Variants in NUP58 observed in about 807,000 individuals in gnomAD.
The protein encoded by NUP58 is nucleoporin 58.
NUP58 carries 17 observed loss-of-function variants against 70.1 expected under a neutral mutation model. The observed-to-expected ratio is 0.24, with a 90% CI of 0.17 to 0.36. The LOEUF is 0.36. NUP58 is among the 10% of genes least tolerant of loss of function. The pLI, the probability that NUP58 is intolerant of heterozygous loss-of-function variation, is 1.00. For synonymous variants in NUP58, 275 were observed against 257.6 expected, an observed-to-expected ratio of 1.07 and a Z score of -0.65; for missense variants, 644 against 701.5, an observed-to-expected ratio of 0.92 and a Z score of 0.93.
intron 3 of NUP58, among the ~76,000 whole-genome samples, chr13:25,311,592 C>T (rs2030669135): frequency 1.3e-5 from 2 of 151,430 alleles, no homozygotes; most frequent in South Asian, 4.2e-4. Flanking sequence ...CCAGGCTGGT[C>T]TCGAACTCCT....
chr13:25,307,211 A>ATTTTTTTTTTTTTTTT (rs72132780), intron 1 of NUP58, among the ~76,000 whole-genome samples: 3 of 98,592 alleles, frequency 3.0e-5, no homozygotes, highest in Non-Finnish European at 5.7e-5. Flanking sequence ...CTGGTATTGT[A>ATTTTTTTTTTTTTTTT]TTTTTTTTTT....
At chr13:25,331,701 C>T (rs2031612202) in intron 13 of NUP58, 143 bp downstream of exon 13, 10 of 1,447,334 alleles carry the variant, frequency 6.9e-6, no homozygotes, top group South Asian at 2.9e-5. Context: ...GTGATGGACA[C>T]GATTATAAAC....
In NUP58 at chr13:25,337,002, A is replaced by G. The variant is rs150965581; in HGVS notation, c.1502A>G (p.Gln501Arg). The change falls in exon 14 of 16, where the codon CAA becomes CGA. Residue 501 changes from glutamine (Q) to arginine (R), a missense_variant. Transcript: ENST00000381736. ...PFGSGIGTGL[Q>R]SSGLGSSNLG... ...GGCTCAGGTATTGGCACTGGCTTGC[A>G]ATCAAGTGGCTTAGGTTCTTCAAAC... 6 of 1,609,126 alleles carry G rather than the reference A, an allele frequency of 3.7e-6. No homozygotes were observed. The highest frequency in any genetic ancestry group is 5.1e-6 in the Non-Finnish European group (6 of 1,178,416).
intron 13 of NUP58, chr13:25,335,790 ATTTC>A (rs2031759422): frequency 2.0e-6 from 2 of 984,394 alleles, no homozygotes; most frequent in African/African-American, 3.5e-5. Flanking sequence ...GAAGGCTTTG[ATTTC>A]TTTAAAAATT....
chr13:25,329,975 T>G (rs573200800), intron 12 of NUP58, among the ~76,000 whole-genome samples: 1 of 152,216 alleles, frequency 6.6e-6, no homozygotes, highest in African/African-American at 2.4e-5. Flanking sequence ...ACTACAGGCA[T>G]GCACCACCAC....
intron 9 of NUP58, among the ~76,000 whole-genome samples, chr13:25,321,438 G>A (rs568606999): frequency 1.3e-5 from 2 of 152,302 alleles, no homozygotes; most frequent in South Asian, 4.1e-4. Context: ...TCCAACTCCA[G>A]AGTTTATGCT....
intron 1 of NUP58, among the ~76,000 whole-genome samples, chr13:25,305,011 C>T (rs2030249907): frequency 6.6e-6 from 1 of 151,822 alleles, no homozygotes; most frequent in African/African-American, 2.4e-5. Flanking sequence ...ATACTATATT[C>T]TTTTGCTTGT....
intron 5 of NUP58, 81 bp from the exon 6 acceptor site, chr13:25,315,276 A>G (rs2030872736): frequency 1.1e-6 from 1 of 945,188 alleles, no homozygotes; most frequent in Non-Finnish European, 1.6e-6. Context: ...TCCAACTTTA[A>G]AAGCATTAGA....
chr13:25,310,975 T>C (rs1007655897), intron 3 of NUP58, among the ~76,000 whole-genome samples: 3 of 152,182 alleles, frequency 2.0e-5, no homozygotes, highest in South Asian at 4.1e-4. Flanking sequence ...ACAGTCAGTC[T>C]GTTGTGAGGT....
At chr13:25,309,055 A>G (rs1035109891) in intron 2 of NUP58, among the ~76,000 whole-genome samples, 192 bp from the exon 3 acceptor site, 1 of 152,226 alleles carries the variant, frequency 6.6e-6, no homozygotes, top group Non-Finnish European at 1.5e-5. Flanking sequence ...CAAATTATGT[A>G]TGGCTTGTAA....
In NUP58 at chr13:25,329,705, G is replaced by A. The variant is rs192254395; in HGVS notation, c.1234-1652G>A. The stretch of plus-strand genomic sequence containing the variant: ...TTTGTTTTTCATTAGGTAATCTGTT[G>A]AAACAGGCGTTAACTATTCTATCCA... On this transcript the variant is annotated intron_variant, in intron 12 of 15. Transcript: ENST00000381736. Among the ~76,000 whole-genome samples, 9 of 152,256 alleles carry A rather than the reference G, an allele frequency of 5.9e-5. No homozygotes were observed. The East Asian group carries it at 1.7e-3, about 29-fold the overall frequency.
intron 3 of NUP58, among the ~76,000 whole-genome samples, chr13:25,348,965 A>C (rs2032078982): frequency 6.6e-6 from 1 of 152,084 alleles, no homozygotes; most frequent in Non-Finnish European, 1.5e-5. Context: ...ATTCCCGAAC[A>C]CTATGCTCTT....
intron 1 of NUP58, chr13:25,302,965 A>G (rs575116179): frequency 2.2e-6 from 1 of 456,636 alleles, no homozygotes; most frequent in African/African-American, 2.0e-5. Flanking sequence ...TTCGTGGAAC[A>G]AATATTTATT....
At chr13:25,330,846 C>T (rs1232521890) in intron 12 of NUP58, among the ~76,000 whole-genome samples, 2 of 152,098 alleles carry the variant, frequency 1.3e-5, no homozygotes, top group Non-Finnish European at 2.9e-5. Context: ...TGCTGAGGTG[C>T]AACACCTTAT....
chr13:25,306,393 CAAAAAAA>C (rs1030000370), intron 1 of NUP58, among the ~76,000 whole-genome samples: 10 of 55,520 alleles, frequency 1.8e-4, no homozygotes, highest in Non-Finnish European at 2.9e-4. Context: ...GACTCCGTCT[CAAAAAAA>C]AAAAAAAAAA....
chr13:25,338,597 T>C (rs1448176714), intron 14 of NUP58, 39 bp from the exon 15 acceptor site: 3 of 1,442,790 alleles, frequency 2.1e-6, no homozygotes, highest in Non-Finnish European at 2.9e-6. Context: ...ACCTGTGTTT[T>C]ATGTGCCATT....
chr13:25,325,117 A>G (rs2137790682), intron 10 of NUP58, 49 bp downstream of exon 10: 1 of 1,311,282 alleles, frequency 7.6e-7, no homozygotes, highest in East Asian at 2.3e-5. Flanking sequence ...TTCAGAAAGC[A>G]GAACAGTAAT....
chr13:25,307,040 G>A (rs1235210118), intron 1 of NUP58, among the ~76,000 whole-genome samples: 1 of 152,038 alleles, frequency 6.6e-6, no homozygotes, highest in Non-Finnish European at 1.5e-5. Flanking sequence ...TGGTAATGTA[G>A]CAATGGAAAG....
intron 13 of NUP58, chr13:25,332,058 T>G: frequency 2.0e-6 from 2 of 1,004,806 alleles, no homozygotes; most frequent in Non-Finnish European, 2.4e-6. Flanking sequence ...ATCAATAGGC[T>G]TGTTTGTATG....
Sources: allele counts gnomAD v4.1 joint callset (sites outside exome capture counted in the v4.1 genomes callset), GRCh38; gene constraint gnomAD v4.1.1; transcripts MANE v1.5; gene names NCBI Gene and HGNC (gene_info 2026-07-23, HGNC 2026-07-21).